Variants in NOTCH1 observed in about 807,000 individuals in gnomAD.
NOTCH1 encodes the protein neurogenic locus notch homolog protein 1.
NOTCH1 carries 37 observed loss-of-function variants against 254.8 expected under a neutral mutation model. The observed-to-expected ratio is 0.15, with a 90% CI of 0.11 to 0.19. NOTCH1 has a LOEUF of 0.19. Ranked by LOEUF, NOTCH1 falls within the 10% of genes least tolerant of loss-of-function variation. NOTCH1 has a pLI of 1.00. For synonymous variants in NOTCH1, 1,731 were observed against 1,618.1 expected, an observed-to-expected ratio of 1.07 and a Z score of -1.68; for missense variants, 2,972 against 3,708.6, an observed-to-expected ratio of 0.80 and a Z score of 5.16.
At chr9:136,534,884 GC>G (rs1266526220) in intron 2 of NOTCH1, among the ~76,000 whole-genome samples, 1 of 28,824 alleles carries the variant, frequency 3.5e-5, no homozygotes, top group African/African-American at 1.4e-4. Context: ...TCCCCACAGA[GC>G]CCCCCAGTCC....
In NOTCH1 at chr9:136,545,122, C is replaced by A. The variant is rs187761416; in HGVS notation, c.61+604G>T. On this transcript the variant is annotated intron_variant, in intron 1 of 33. Coordinates refer to ENST00000651671, the MANE Select transcript of NOTCH1 (RefSeq NM_017617.5). This position sits in a 1 kb window ranked among gnomAD's most constrained non-coding sequence, Gnocchi z 6.8. ...CCGCAAAGCAAAAGGAAAGTTCAGT[C>A]CCCCCGGGCGCGGCGGCTTCTTACG... 2.2e-3 allele frequency among the ~76,000 whole-genome samples: 338 copies of A among 152,216 alleles called. No individual in the cohort carries two copies. The highest frequency in any genetic ancestry group is 7.5e-3 in the African/African-American group (313 of 41,560).
intron 9 of NOTCH1, among the ~76,000 whole-genome samples, chr9:136,516,771 G>A (rs1157854279): frequency 2.6e-5 from 4 of 152,168 alleles, no homozygotes; most frequent in Non-Finnish European, 5.9e-5. Context: ...TCCTGGCCCT[G>A]GGCTCCACCG....
chr9:136,534,197 G>A (rs748298284), intron 2 of NOTCH1, among the ~76,000 whole-genome samples: 1 of 152,206 alleles, frequency 6.6e-6, no homozygotes, highest in Non-Finnish European at 1.5e-5. Context: ...CACAGGACCT[G>A]CCTCCCTGGG....
intron 17 of NOTCH1, chr9:136,510,370 G>A (rs904845826): frequency 5.2e-5 from 30 of 579,782 alleles, no homozygotes; most frequent in East Asian, 2.6e-4. Context: ...TGAGCCAGGC[G>A]GGAGTGCAGG....
intron 2 of NOTCH1, among the ~76,000 whole-genome samples, chr9:136,527,885 G>A (rs985818585): frequency 1.3e-5 from 2 of 152,084 alleles, no homozygotes; most frequent in Admixed American, 6.5e-5. Flanking sequence ...TGCCGCTCCC[G>A]CCACCTCTAC....
chr9:136,525,457 A>G (rs1383094036), intron 2 of NOTCH1, among the ~76,000 whole-genome samples: 6 of 152,258 alleles, frequency 3.9e-5, no homozygotes, highest in African/African-American at 1.2e-4. Context: ...GAAGCAGAAC[A>G]TGCCACCAGC....
chr9:136,517,323 T>C lies in NOTCH1; in HGVS notation c.1504A>G (p.Asn502Asp). The C allele has an allele frequency of 6.2e-7, 1 of 1,610,056 alleles. No homozygotes were observed. Among genetic ancestry groups the C allele is most frequent in the Non-Finnish European group, 8.5e-7 (1 of 1,178,702 alleles). ...DECASSPCLH[N>D]GRCLDKINEF... Reference sequence around the variant, plus strand: ...TTGATCTTGTCCAGGCAGCGGCCATTGTGCAGGCAGGGGCTGCTGGCACAC... The same window carrying C: ...TTGATCTTGTCCAGGCAGCGGCCATCGTGCAGGCAGGGGCTGCTGGCACAC... The change falls in exon 9 of 34, where the codon AAT (asparagine) becomes GAT (aspartate). Residue 502 changes from asparagine to aspartate, a missense_variant. By Grantham distance (23) the Asn-to-Asp change is conservative (BLOSUM62 1). Transcript: ENST00000651671.
chr9:136,514,408 G>A (rs370291497), intron 13 of NOTCH1, 102 bp downstream of exon 13: 7 of 1,333,920 alleles, frequency 5.2e-6, no homozygotes, highest in Non-Finnish European at 7.3e-6. Flanking sequence ...TCCGAGGCCC[G>A]TTTCTGGCCC....
intron 17 of NOTCH1, 152 bp from the exon 18 acceptor site, chr9:136,510,113 C>G: frequency 4.1e-6 from 3 of 730,400 alleles, no homozygotes; most frequent in South Asian, 3.1e-5. Flanking sequence ...TGGTGGGGAG[C>G]CCCAGCACCC....
At position 136,506,527 on chromosome 9, in the gene NOTCH1, C is replaced by T. The variant is rs377217445; in HGVS notation, c.4014G>A (p.Ala1338=). ...TARGFICKCP[A]GFEGATCEND... is the part of the protein sequence containing the mutation. ...TGCCTCCCTGCACCCCTGCACCTAC[C>T]GCAGGGCACTTGCAGATGAACCCGC... The change falls in exon 24 of 34, where the codon GCG becomes GCA. Residue 1338 remains alanine (A), a splice_region_variant and synonymous_variant. Transcript: ENST00000651671. This position sits in a 1 kb window ranked among gnomAD's most constrained non-coding sequence, Gnocchi z 4.5. 2.3e-4 allele frequency: 373 copies of T among 1,593,012 alleles called. No individual in the cohort carries two copies. Among genetic ancestry groups the T allele is most frequent in the African/African-American group, 1.1e-3 (79 of 74,738 alleles).
At chr9:136,501,410 G>A (rs572878170) in intron 30 of NOTCH1, among the ~76,000 whole-genome samples, 1 of 151,320 alleles carries the variant, frequency 6.6e-6, no homozygotes, top group African/African-American at 2.4e-5. Flanking sequence ...CTCCAGCCTG[G>A]GTGACGGAGC....
At chr9:136,526,400 G>A (rs1332100041) in intron 2 of NOTCH1, among the ~76,000 whole-genome samples, 2 of 152,224 alleles carry the variant, frequency 1.3e-5, no homozygotes, top group Non-Finnish European at 2.9e-5. Context: ...GAGGGCGCTC[G>A]GTCATCAAAG....
At chr9:136,500,448 G>A in intron 31 of NOTCH1, 104 bp downstream of exon 31, 1 of 1,422,018 alleles carries the variant, frequency 7.0e-7, no homozygotes, top group East Asian at 2.3e-5. Flanking sequence ...GGACTCAGCT[G>A]TGCTCGGGGT....
chr9:136,512,982 G>GGCCCCCC, intron 15 of NOTCH1, 39 bp downstream of exon 15: 1 of 663,500 alleles, frequency 1.5e-6, no homozygotes, highest in Non-Finnish European at 2.5e-6. Flanking sequence ...TCCCACATAG[G>GGCCCCCC]CCCCGCCCCC....
intron 1 of NOTCH1, among the ~76,000 whole-genome samples, chr9:136,544,718 C>T (rs1357648623): frequency 2.6e-5 from 4 of 152,126 alleles, no homozygotes; most frequent in African/African-American, 4.8e-5. Context: ...GGGACAGCAC[C>T]CTGGGGACGC....
rs2133342692 is a variant in NOTCH1 at position 136,506,603 on chromosome 9, C to T, written c.3938G>A (p.Gly1313Asp). ...GGTGCCCCCATTCTTGCAGGGCTTG[C>T]CTTTGCAGCCATTGATGACGGACTC... ...RCESVINGCKGKPCKNGGTCA... is the reference protein window; with the variant it reads ...RCESVINGCKDKPCKNGGTCA... The change falls in exon 24 of 34, where the codon GGC becomes GAC. Residue 1313 changes from glycine (G) to aspartate (D), a missense_variant. Gly to Asp is a moderately conservative substitution (Grantham distance 94). Coordinates refer to ENST00000651671, the MANE Select transcript of NOTCH1 (RefSeq NM_017617.5). This position sits in a 1 kb window ranked among gnomAD's most constrained non-coding sequence, Gnocchi z 4.5. 2 of 1,610,972 alleles carry T rather than the reference C, an allele frequency of 1.2e-6. No homozygotes were observed. Among genetic ancestry groups the T allele is most frequent in the South Asian group, 1.1e-5 (1 of 90,714 alleles).
rs1347733785 is a variant in NOTCH1, at chr9:136,508,969, C to T, written c.3072G>A (p.Glu1024=). 5 of 1,554,942 alleles carry T rather than the reference C, an allele frequency of 3.2e-6. No individual in the cohort carries two copies. The highest frequency in any genetic ancestry group is 4.3e-6 in the Non-Finnish European group (5 of 1,150,018). Residue 1024 remains glutamate (E), a synonymous_variant, in exon 19 of 34, where the codon GAG becomes GAA. Coordinates refer to ENST00000651671, the MANE Select transcript of NOTCH1 (RefSeq NM_017617.5). ...TGSYCQHDVN[E]CDSQPCLHGG... ...CATGCAGGCAGGGCTGTGAGTCGCACTCATTGACATCGTGCTGGCAGTAGC... is the reference window on the plus strand; with the variant it reads ...CATGCAGGCAGGGCTGTGAGTCGCATTCATTGACATCGTGCTGGCAGTAGC...
In NOTCH1 at chr9:136,497,456, G is replaced by A. The variant is rs780873661; in HGVS notation, c.6283C>T (p.Arg2095Cys). The change falls in exon 34 of 34, where the codon CGC (arginine) becomes TGC (cysteine). Residue 2095 changes from arginine to cysteine, a missense_variant. Physicochemically the swap from Arg to Cys is radical, Grantham distance 180. This residue lies in a region of NOTCH1 where 529 missense variants were observed against 529.2 expected (regional missense o/e 1.00). Coordinates refer to ENST00000651671, the MANE Select transcript of NOTCH1 (RefSeq NM_017617.5). ...TCCTGTGCGATGTCGCGCGGCAGGC[G>A]GTCCATATGATCCGTGATGTCCCGG... is the stretch of plus-strand genomic sequence containing the variant. ...ANRDITDHMD[R>C]LPRDIAQERM... The A allele has an allele frequency of 3.1e-5, 50 of 1,612,310 alleles. 1 individual carries two copies. Among genetic ancestry groups the A allele is most frequent in the Middle Eastern group, 3.3e-4 (2 of 6,084 alleles).
Position 136,496,135 on chromosome 9 carries a change from C to A in NOTCH1, c.7604G>T (p.Gly2535Val). ...PHSNVSDWSE[G>V]VSSPPTSMQS... is the part of the protein sequence containing the mutation. ...CATGCTGGTGGGAGGGCTGGAGACG[C>A]CCTCGGACCAGTCGGAGACGTTGGA... The change falls in exon 34 of 34, where the codon GGC (glycine) becomes GTC (valine). Residue 2535 changes from glycine to valine, a missense_variant. Transcript: ENST00000651671. The A allele has an allele frequency of 1.9e-6, 3 of 1,609,712 alleles. No individual in the cohort carries two copies. The highest frequency in any genetic ancestry group is 2.5e-6 in the Non-Finnish European group (3 of 1,179,436).
Sources: allele counts gnomAD v4.1 joint callset (sites outside exome capture counted in the v4.1 genomes callset), GRCh38; gene constraint gnomAD v4.1.1; regional missense constraint gnomAD v4.1.1; non-coding constraint Gnocchi (gnomAD v3.1); transcripts MANE v1.5; gene names NCBI Gene and HGNC (gene_info 2026-07-23, HGNC 2026-07-21).